HSPA4L: variants seen among roughly 807,000 people sequenced by gnomAD.
The protein encoded by HSPA4L is heat shock 70 kDa protein 4L.
Under a neutral mutation model 100.3 loss-of-function variants are expected in HSPA4L, and 48 were observed. The ratio of observed to expected loss-of-function variants is 0.48; its 90% CI spans 0.38 to 0.61. The LOEUF is 0.61. Among genes scored for constraint, HSPA4L ranks in the 20% least tolerant of loss-of-function variants. HSPA4L has a pLI of 0.00. For missense variants in HSPA4L, 886 were observed against 988.6 expected (o/e 0.90, Z 1.39); for synonymous variants, 319 against 328.2 (o/e 0.97, Z 0.30).
intron 6 of HSPA4L, among the ~76,000 whole-genome samples, chr4:127,803,050 G>C (rs1415065726): frequency 6.6e-6 from 1 of 152,118 alleles, no homozygotes; most frequent in Admixed American, 6.6e-5. Flanking sequence ...CTTCTGCTGG[G>C]AAGCCTGTTG....
chr4:127,831,509 A>G (rs1734080396), intron 18 of HSPA4L, among the ~76,000 whole-genome samples: 1 of 151,340 alleles, frequency 6.6e-6, no homozygotes, highest in Non-Finnish European at 1.5e-5. Flanking sequence ...ATTAAAAAAA[A>G]AAAAAAAAAA....
intron 11 of HSPA4L, among the ~76,000 whole-genome samples, chr4:127,810,395 G>C (rs1049632329): frequency 6.6e-6 from 1 of 152,138 alleles, no homozygotes; most frequent in African/African-American, 2.4e-5. Flanking sequence ...CCACAAGCTA[G>C]GTGGCTTAAA....
intron 16 of HSPA4L, among the ~76,000 whole-genome samples, chr4:127,826,760 A>G (rs1733960148): frequency 6.6e-6 from 1 of 152,152 alleles, no homozygotes; most frequent in Non-Finnish European, 1.5e-5. Flanking sequence ...CCCTTCCCAA[A>G]ACTACAGAGT....
At chr4:127,784,880 A>C (rs918135738) in intron 1 of HSPA4L, among the ~76,000 whole-genome samples, 3 of 152,262 alleles carry the variant, frequency 2.0e-5, no homozygotes, top group Admixed American at 2.0e-4. Flanking sequence ...AGCTTTGCAA[A>C]TAAAATGTTT....
At chr4:127,809,452 T>C in intron 11 of HSPA4L, 2 of 1,198,308 alleles carry the variant, frequency 1.7e-6, no homozygotes, top group South Asian at 2.4e-5. Flanking sequence ...ATTCTTCCTG[T>C]TTTACCTCGC....
intron 17 of HSPA4L, among the ~76,000 whole-genome samples, chr4:127,829,519 C>T (rs72616954): frequency 0.03 from 4,600 of 151,822 alleles, 299 homozygotes; most frequent in East Asian, 0.26. Context: ...TAGATTTTTG[C>T]ATTTATTTTG....
intron 18 of HSPA4L, among the ~76,000 whole-genome samples, chr4:127,832,172 T>TTAAG (rs1734100264): frequency 6.6e-6 from 1 of 152,170 alleles, no homozygotes; most frequent in East Asian, 1.9e-4. Context: ...ATTTAAATTA[T>TTAAG]TAAGTTCCAA....
chr4:127,808,453 A>G (rs896801061), intron 11 of HSPA4L, among the ~76,000 whole-genome samples: 4 of 152,102 alleles, frequency 2.6e-5, no homozygotes, highest in African/African-American at 9.7e-5. Flanking sequence ...CTGACATACC[A>G]TTTATTTTGT....
chr4:127,824,153 G>A (rs539052082), intron 16 of HSPA4L, among the ~76,000 whole-genome samples: 2 of 152,302 alleles, frequency 1.3e-5, no homozygotes, highest in East Asian at 1.9e-4. Flanking sequence ...GTTCATCTAA[G>A]TTGTCTCAAA....
chr4:127,830,909 T>G (rs1734064119), intron 18 of HSPA4L, 110 bp downstream of exon 18: 1 of 655,776 alleles, frequency 1.5e-6, no homozygotes, highest in Non-Finnish European at 2.3e-6. Flanking sequence ...AACAGAAATT[T>G]AAGACTAATT....
intron 12 of HSPA4L, chr4:127,813,357 A>G (rs975489434): frequency 1.7e-6 from 1 of 584,706 alleles, no homozygotes; most frequent in Non-Finnish European, 3.0e-6. Flanking sequence ...CAACCACTAG[A>G]CTTTAAACTA....
intron 10 of HSPA4L, among the ~76,000 whole-genome samples, 198 bp downstream of exon 10, chr4:127,805,991 A>G (rs934846128): frequency 1.3e-5 from 2 of 152,038 alleles, no homozygotes; most frequent in African/African-American, 4.8e-5. Context: ...TTTTTATAAA[A>G]GTAAAACAAG....
At chr4:127,788,757 A>T (rs1216651093) in intron 1 of HSPA4L, among the ~76,000 whole-genome samples, 2 of 152,214 alleles carry the variant, frequency 1.3e-5, no homozygotes, top group Non-Finnish European at 2.9e-5. Flanking sequence ...GAATACTCCT[A>T]ATATCCGACA....
intron 1 of HSPA4L, among the ~76,000 whole-genome samples, chr4:127,785,751 T>G (rs1372712598): frequency 1.3e-5 from 2 of 152,200 alleles, no homozygotes; most frequent in Non-Finnish European, 2.9e-5. Flanking sequence ...TTTAGTAACC[T>G]TTTTCTATGT....
At position 127,833,190 on chromosome 4, in the gene HSPA4L, A is replaced by G. The variant is rs188467211; in HGVS notation, c.*316A>G. The G allele has an allele frequency of 4.0e-4, 84 of 210,662 alleles. No homozygotes were observed. Among genetic ancestry groups the G allele is most frequent in the African/African-American group, 1.7e-3 (75 of 43,996 alleles). 13.0% of individuals were successfully genotyped at this position (210,662 alleles called of 1,614,324 possible). A position where few individuals can be genotyped will look rare whatever the true frequency, so the allele number is the denominator to read the frequency against. ...AAAGCTTCTACTGGGATAAACCTCA[A>G]TTCCTTTATTCAGGAAAGGATACTT... On this transcript the variant is annotated 3_prime_UTR_variant, in exon 19 of 19. Transcript: ENST00000296464.
chr4:127,806,576 T>G (rs1733364072), intron 10 of HSPA4L, among the ~76,000 whole-genome samples: 1 of 152,018 alleles, frequency 6.6e-6, no homozygotes, highest in Non-Finnish European at 1.5e-5. Context: ...AAAAAAGCAC[T>G]GTTATTAAAT....
intron 3 of HSPA4L, 21 bp from the exon 4 acceptor site, chr4:127,798,566 T>G (rs776825071): frequency 6.2e-7 from 1 of 1,611,626 alleles, no homozygotes; most frequent in African/African-American, 1.3e-5. Context: ...TCTTAATAAA[T>G]ATCCCAACTT....
At chr4:127,817,234 T>C (rs1214471195) in intron 12 of HSPA4L, among the ~76,000 whole-genome samples, 1 of 152,102 alleles carries the variant, frequency 6.6e-6, no homozygotes, top group Admixed American at 6.5e-5. Context: ...CCTGGCTAAT[T>C]TTTGTATTTT....
At chr4:127,828,161 T>A (rs1733995296) in intron 17 of HSPA4L, among the ~76,000 whole-genome samples, 1 of 152,132 alleles carries the variant, frequency 6.6e-6, no homozygotes, top group Admixed American at 6.5e-5. Context: ...CATGGCTGTG[T>A]TCCCAAAAAC....
Sources: allele counts gnomAD v4.1 joint callset (sites outside exome capture counted in the v4.1 genomes callset), GRCh38; gene constraint gnomAD v4.1.1; transcripts MANE v1.5; gene names NCBI Gene and HGNC (gene_info 2026-07-23, HGNC 2026-07-21).